Variants in ANK1 observed in about 807,000 individuals in gnomAD.
ANK1 encodes the protein ankyrin 1, also known as ankyrin-1.
Under a neutral mutation model 210.4 loss-of-function variants are expected in ANK1, and 51 were observed. That is an observed-to-expected ratio of 0.24 (90% CI 0.19 to 0.31). ANK1 has a LOEUF of 0.31. ANK1 is among the 10% of genes least tolerant of loss of function. The pLI is 1.00. For synonymous variants in ANK1, 967 were observed against 1,025.9 expected, an observed-to-expected ratio of 0.94 and a Z score of 1.10; for missense variants, 2,051 against 2,504.4, an observed-to-expected ratio of 0.82 and a Z score of 3.86.
chr8:41,779,210 C>T (rs1844764823), intron 1 of ANK1, among the ~76,000 whole-genome samples: 1 of 152,000 alleles, frequency 6.6e-6, no homozygotes, highest in Non-Finnish European at 1.5e-5. Flanking sequence ...GAGACATGCC[C>T]CTTGCTTGGT....
At chr8:41,837,850 A>G (rs1808064823) in intron 1 of ANK1, among the ~76,000 whole-genome samples, 1 of 152,178 alleles carries the variant, frequency 6.6e-6, no homozygotes, top group Non-Finnish European at 1.5e-5. Context: ...CAGCCTGGGC[A>G]ACAGAGCGAG....
chr8:41,823,895 A>G (rs1804900221), intron 1 of ANK1, among the ~76,000 whole-genome samples: 1 of 152,184 alleles, frequency 6.6e-6, no homozygotes, highest in African/African-American at 2.4e-5. Context: ...ACACTTCTGT[A>G]TACTTTTACA....
At chr8:41,795,645 C>G (rs1848607014) in intron 1 of ANK1, among the ~76,000 whole-genome samples, 2 of 151,734 alleles carry the variant, frequency 1.3e-5, no homozygotes, top group African/African-American at 4.8e-5. Flanking sequence ...GTGAAATAAG[C>G]GAGGCACAGA....
rs1053203530 is a variant in ANK1, at chr8:41,665,171, T to C, written c.5395-1429A>G. On this transcript the variant is annotated intron_variant, in intron 39 of 42. Coordinates refer to ENST00000289734, the MANE Select transcript of ANK1 (RefSeq NM_000037.4). Reference sequence around the variant, plus strand: ...ATCTCTCTGGTTTGCTCTCTTGGTCTCTCACTGTTTCTCTCTCTGTGGGCA... The same window carrying C: ...ATCTCTCTGGTTTGCTCTCTTGGTCCCTCACTGTTTCTCTCTCTGTGGGCA... The C allele has an allele frequency of 6.5e-6, 10 of 1,533,966 alleles. No individual in the cohort carries two copies. The Admixed American group carries it at 2.0e-4, about 30-fold the overall frequency.
intron 31 of ANK1, among the ~76,000 whole-genome samples, chr8:41,692,300 G>A (rs111370895): frequency 0.079 from 12,045 of 152,226 alleles, 1,423 homozygotes; most frequent in African/African-American, 0.26. Flanking sequence ...CAGGTGATCT[G>A]CCCGCCTTGG....
intron 1 of ANK1, among the ~76,000 whole-genome samples, chr8:41,872,275 A>C (rs6474367): frequency 0.72 from 109,686 of 152,184 alleles, 40,058 homozygotes; most frequent in African/African-American, 0.84. Context: ...AAGGGGACTG[A>C]GTCCCAGTGA....
intron 2 of ANK1, among the ~76,000 whole-genome samples, chr8:41,750,125 T>A (rs1288653345): frequency 6.6e-6 from 1 of 152,240 alleles, no homozygotes; most frequent in African/African-American, 2.4e-5. Flanking sequence ...GACTTGGAAT[T>A]TGGCTGCTGT....
At position 41,780,664 on chromosome 8, in the gene ANK1, C is replaced by T. The variant is rs1845102328; in HGVS notation, c.27+16848G>A. Among the ~76,000 whole-genome samples, 4 of 152,182 alleles carry T rather than the reference C, an allele frequency of 2.6e-5. No homozygotes were observed. The South Asian group carries it at 6.2e-4, about 24-fold the overall frequency. ...GGGAACATGTGTTCCATGGGCCACCCGGAGGGAACATGTGTACACATGTGT... is the reference window on the plus strand; with the variant it reads ...GGGAACATGTGTTCCATGGGCCACCTGGAGGGAACATGTGTACACATGTGT... On this transcript the variant is annotated intron_variant, in intron 1 of 42. Coordinates refer to ENST00000289734, the MANE Select transcript of ANK1 (RefSeq NM_000037.4).
At chr8:41,706,387 C>G in intron 17 of ANK1, 146 bp from the exon 18 acceptor site, 1 of 778,616 alleles carries the variant, frequency 1.3e-6, no homozygotes, top group Non-Finnish European at 2.1e-6. Flanking sequence ...CTGTTCTGGG[C>G]CCCAATGTCC....
intron 1 of ANK1, among the ~76,000 whole-genome samples, chr8:41,868,401 G>A (rs1182065874): frequency 6.6e-6 from 1 of 152,188 alleles, no homozygotes; most frequent in Admixed American, 6.5e-5. Flanking sequence ...GTGGGGAAGG[G>A]CAAAACCATT....
At chr8:41,777,436 G>A (rs530375592) in intron 1 of ANK1, among the ~76,000 whole-genome samples, 9 of 152,058 alleles carry the variant, frequency 5.9e-5, no homozygotes, top group Non-Finnish European at 8.8e-5. Flanking sequence ...TTAGCCAGGC[G>A]TGGTGGCGTG....
In ANK1 at chr8:41,663,658, C is replaced by G; in HGVS notation, c.5478+1G>C. On this transcript the variant is annotated splice_donor_variant, in intron 40 of 42. Coordinates refer to ENST00000289734, the MANE Select transcript of ANK1 (RefSeq NM_000037.4). LOFTEE classifies it high-confidence loss of function. ...CACAGAGGGGAACACTCTGCACCCA[C>G]CTTCTTGGTGACAATGTTGCCCTGC... The G allele has an allele frequency of 6.2e-7, 1 of 1,613,764 alleles. No individual in the cohort carries two copies. Among genetic ancestry groups the G allele is most frequent in the African/African-American group, 1.3e-5 (1 of 75,040 alleles).
At chr8:41,659,402 TTG>T (rs146898665) in intron 42 of ANK1, among the ~76,000 whole-genome samples, 5 of 152,186 alleles carry the variant, frequency 3.3e-5, no homozygotes, top group African/African-American at 7.2e-5. Context: ...CTTTCTGCCC[TTG>T]TGTGTGTGTC....
rs1156899330 is a variant in ANK1 at position 41,797,571 on chromosome 8, CT to C, written c.-34del. On this transcript the variant is annotated 5_prime_UTR_variant, in exon 1 of 43. Coordinates refer to ENST00000289734, the MANE Select transcript of ANK1 (RefSeq NM_000037.4). This position sits in a 1 kb window ranked among gnomAD's most constrained non-coding sequence, Gnocchi z 4.0. Reference sequence around the variant, plus strand: ...TTTCAGCAGGGGCCCGCCGAAGGGCCTTGGGGGCTTGAGGAGGAGCAGCTGG... The same window carrying C: ...TTTCAGCAGGGGCCCGCCGAAGGGCCTGGGGGCTTGAGGAGGAGCAGCTGG... The C allele has an allele frequency of 1.2e-6, 2 of 1,612,502 alleles. No individual in the cohort carries two copies. Among genetic ancestry groups the C allele is most frequent in the Non-Finnish European group, 1.7e-6 (2 of 1,179,646 alleles).
chr8:41,700,751 T>G lies in ANK1; in HGVS notation c.2461+799A>C, dbSNP rs28537406. ...GCATTCTGTAGTTCATACAAGCTGA[T>G]ACTATAGTAATTTCTTTCTTTTTCT... On this transcript the variant is annotated intron_variant, in intron 22 of 42. Coordinates refer to ENST00000289734, the MANE Select transcript of ANK1 (RefSeq NM_000037.4). 0.45 allele frequency among the ~76,000 whole-genome samples: 68,283 copies of G among 151,986 alleles called. 17,478 individuals carry two copies. The highest frequency in any genetic ancestry group is 0.7 in the African/African-American group (29,168 of 41,430).
At chr8:41,736,881 G>A (rs1253504230) in intron 2 of ANK1, among the ~76,000 whole-genome samples, 1 of 152,324 alleles carries the variant, frequency 6.6e-6, no homozygotes, top group East Asian at 1.9e-4. Flanking sequence ...AGCTGAGGAA[G>A]TCAAGGCCCA....
At chr8:41,783,214 C>T (rs985461713) in intron 1 of ANK1, among the ~76,000 whole-genome samples, 1 of 152,218 alleles carries the variant, frequency 6.6e-6, no homozygotes, top group Non-Finnish European at 1.5e-5. Context: ...TGAAGGAGAT[C>T]GTTTCGAAAG....
chr8:41,889,797 C>T (rs902308901), intron 1 of ANK1, among the ~76,000 whole-genome samples: 1 of 152,176 alleles, frequency 6.6e-6, no homozygotes, highest in Non-Finnish European at 1.5e-5. Flanking sequence ...TTTTATGTTC[C>T]CCTCTGATAT....
intron 1 of ANK1, among the ~76,000 whole-genome samples, chr8:41,807,889 G>A (rs1332602331): frequency 6.8e-6 from 1 of 146,450 alleles, no homozygotes; most frequent in Non-Finnish European, 1.5e-5. Context: ...AGAGGAGGAG[G>A]AGAGGAGAAA....
Sources: allele counts gnomAD v4.1 joint callset (sites outside exome capture counted in the v4.1 genomes callset), GRCh38; gene constraint gnomAD v4.1.1; non-coding constraint Gnocchi (gnomAD v3.1); transcripts MANE v1.5; gene names NCBI Gene and HGNC (gene_info 2026-07-23, HGNC 2026-07-21).